SRBD1: variants seen among roughly 807,000 people sequenced by gnomAD.
SRBD1 encodes the protein S1 RNA binding domain 1, also known as S1 RNA-binding domain-containing protein 1.
A neutral mutation model predicts 115.3 loss-of-function variants in SRBD1; 88 were observed. The observed-to-expected ratio is 0.76, with a 90% CI of 0.64 to 0.91. The LOEUF (loss-of-function observed/expected upper bound fraction) is 0.91, where lower values mean the gene tolerates loss of function less well. SRBD1 is among the 40% of genes least tolerant of loss of function. The probability of loss-of-function intolerance (pLI) is 0.00; values close to 1 mark genes in which losing one functional copy is unlikely to be tolerated. For missense variants in SRBD1, 1,385 were observed against 1,177.4 expected (o/e 1.18, Z -2.58); for synonymous variants, 509 against 407.7 (o/e 1.25, Z -2.99).
chr2:45,507,850 G>C (rs1277058066), intron 14 of SRBD1, among the ~76,000 whole-genome samples: 1 of 152,004 alleles, frequency 6.6e-6, no homozygotes, highest in Non-Finnish European at 1.5e-5. Flanking sequence ...AAACTTAATT[G>C]TTGGGCCTAA....
At chr2:45,482,331 C>A (rs1669990327) in intron 15 of SRBD1, among the ~76,000 whole-genome samples, 1 of 151,778 alleles carries the variant, frequency 6.6e-6, no homozygotes, top group Non-Finnish European at 1.5e-5. Flanking sequence ...ACCTAGAAAA[C>A]CTAAGCAAGT....
At chr2:45,408,974 G>A (rs1667517052) in intron 19 of SRBD1, among the ~76,000 whole-genome samples, 1 of 152,162 alleles carries the variant, frequency 6.6e-6, no homozygotes, top group East Asian at 1.9e-4. Context: ...TATAATCCCA[G>A]CACTTTGGGA....
intron 10 of SRBD1, among the ~76,000 whole-genome samples, chr2:45,559,332 G>C (rs1407617413): frequency 6.6e-6 from 1 of 152,126 alleles, no homozygotes; most frequent in African/African-American, 2.4e-5. Context: ...GATCTAACCT[G>C]TGTCAACATC....
chr2:45,466,710 A>G (rs1449043304), intron 16 of SRBD1, among the ~76,000 whole-genome samples: 9 of 152,218 alleles, frequency 5.9e-5, no homozygotes, highest in Non-Finnish European at 8.8e-5. Context: ...TGTGTTTCAC[A>G]ATACTGATTT....
chr2:45,433,070 A>G (rs1668387951), intron 16 of SRBD1, among the ~76,000 whole-genome samples: 2 of 152,172 alleles, frequency 1.3e-5, no homozygotes, highest in South Asian at 4.1e-4. Context: ...AGTTTTTCCC[A>G]AAGTGGATTC....
chr2:45,482,107 G>A (rs1669984071), intron 15 of SRBD1, among the ~76,000 whole-genome samples: 1 of 152,096 alleles, frequency 6.6e-6, no homozygotes, highest in African/African-American at 2.4e-5. Context: ...TAAATTTTAT[G>A]TTATGTAAAT....
At chr2:45,589,984 G>A (rs181676942) in intron 4 of SRBD1, among the ~76,000 whole-genome samples, 17 of 152,290 alleles carry the variant, frequency 1.1e-4, no homozygotes, top group African/African-American at 3.4e-4. Flanking sequence ...TGGAAACATC[G>A]AATTCTGCAG....
At chr2:45,435,842 A>T (rs1668480678) in intron 16 of SRBD1, among the ~76,000 whole-genome samples, 1 of 152,228 alleles carries the variant, frequency 6.6e-6, no homozygotes, top group Non-Finnish European at 1.5e-5. Context: ...TTTAAGGAAG[A>T]AATTATACCA....
chr2:45,448,082 T>C (rs1443556708), intron 16 of SRBD1: 2 of 152,168 alleles, frequency 1.3e-5, no homozygotes, highest in Non-Finnish European at 2.9e-5. Context: ...CTCTCTTCAA[T>C]AAGATAAGAT....
At chr2:45,587,320 ATTAT>A (rs1174075248) in intron 4 of SRBD1, among the ~76,000 whole-genome samples, 2 of 149,246 alleles carry the variant, frequency 1.3e-5, no homozygotes, top group Non-Finnish European at 3.0e-5. Flanking sequence ...AAGATGATTA[ATTAT>A]TTAAATATTT....
intron 4 of SRBD1, among the ~76,000 whole-genome samples, chr2:45,598,640 A>G (rs1673983310): frequency 6.6e-6 from 1 of 152,180 alleles, no homozygotes; most frequent in South Asian, 2.1e-4. Context: ...CTAAGAGGTA[A>G]TAGAAAAGGC....
chr2:45,596,159 T>C (rs895945229), intron 4 of SRBD1, among the ~76,000 whole-genome samples: 12 of 152,230 alleles, frequency 7.9e-5, no homozygotes, highest in Non-Finnish European at 2.9e-5. Flanking sequence ...ACAAAGGACA[T>C]TACTGCTACT....
At chr2:45,485,978 T>C (rs762301333) in intron 15 of SRBD1, among the ~76,000 whole-genome samples, 29 of 152,160 alleles carry the variant, frequency 1.9e-4, no homozygotes, top group Non-Finnish European at 3.8e-4. Flanking sequence ...CATTGCCACA[T>C]AGAAGTGAGC....
intron 14 of SRBD1, among the ~76,000 whole-genome samples, chr2:45,505,845 A>G (rs1670781028): frequency 6.6e-6 from 1 of 152,210 alleles, no homozygotes; most frequent in Admixed American, 6.5e-5. Context: ...TGATCTCTGG[A>G]CTGTTAGGTC....
intron 5 of SRBD1, among the ~76,000 whole-genome samples, chr2:45,583,517 T>G (rs1673427992): frequency 6.6e-6 from 1 of 152,236 alleles, no homozygotes; most frequent in Non-Finnish European, 1.5e-5. Flanking sequence ...ATGTTTTACG[T>G]TGCAACCCAG....
At chr2:45,400,767 G>T (rs753655640) in intron 19 of SRBD1, among the ~76,000 whole-genome samples, 1 of 152,044 alleles carries the variant, frequency 6.6e-6, no homozygotes, top group Non-Finnish European at 1.5e-5. Flanking sequence ...AACCCCATGA[G>T]ATATGGTACT....
chr2:45,516,396 A>G (rs1671119496), intron 14 of SRBD1, among the ~76,000 whole-genome samples: 1 of 152,246 alleles, frequency 6.6e-6, no homozygotes, highest in Non-Finnish European at 1.5e-5. Flanking sequence ...TGCACATGCA[A>G]TAAGATACTA....
intron 14 of SRBD1, 88 bp from the exon 15 acceptor site, chr2:45,488,419 A>T: frequency 9.6e-7 from 1 of 1,044,532 alleles, no homozygotes; most frequent in Non-Finnish European, 1.4e-6. Flanking sequence ...CATTACCAGA[A>T]AAAAAAAAAT....
intron 2 of SRBD1, among the ~76,000 whole-genome samples, chr2:45,604,377 G>A (rs1674196939): frequency 1.3e-5 from 2 of 150,308 alleles, no homozygotes; most frequent in South Asian, 4.2e-4. Context: ...AGGGAGGGGA[G>A]AGGGGAAGGG....
Sources: gnomAD v4.1 joint callset for allele counts (sites outside exome capture counted in the v4.1 genomes callset) on GRCh38, gnomAD v4.1.1 for gene constraint, MANE v1.5 for transcripts, NCBI Gene and HGNC (gene_info 2026-07-23, HGNC 2026-07-21) for gene names.